Variants in NCOR1 observed in about 807,000 individuals in gnomAD.
NCOR1 encodes the protein protein phosphatase 1, regulatory subunit 109.
A neutral mutation model predicts 288.1 loss-of-function variants in NCOR1; 63 were observed. That is an observed-to-expected ratio of 0.22 (90% CI 0.18 to 0.27). The LOEUF (loss-of-function observed/expected upper bound fraction) is 0.27, where lower values mean the gene tolerates loss of function less well. Among genes scored for constraint, NCOR1 ranks in the 10% least tolerant of loss-of-function variants. NCOR1 has a pLI of 1.00. For synonymous variants in NCOR1, 1,007 were observed against 1,065.9 expected, an observed-to-expected ratio of 0.94 and a Z score of 1.08; for missense variants, 2,397 against 3,019.2, an observed-to-expected ratio of 0.79 and a Z score of 4.83.
intron 5 of NCOR1, 178 bp downstream of exon 5, chr17:16,164,801 T>C (rs1449151412): frequency 4.1e-6 from 2 of 487,840 alleles, no homozygotes; most frequent in Middle Eastern, 5.3e-4. Flanking sequence ...AATCAGACAG[T>C]GCAGCAAGGA....
chr17:16,141,202 T>C (rs995760681), intron 11 of NCOR1, among the ~76,000 whole-genome samples: 3 of 152,104 alleles, frequency 2.0e-5, no homozygotes, highest in African/African-American at 7.2e-5. Context: ...ATGGCTAAGA[T>C]CCTGAAATCA....
rs1265023127 is a variant in NCOR1 at position 16,029,476 on chromosome 17, CATT to C, written c.*2817_*2819del. 6 of 271,328 alleles carry C rather than the reference CATT, an allele frequency of 2.2e-5. No homozygotes were observed. The East Asian group carries it at 5.7e-4, about 26-fold the overall frequency. The allele number at this position is 271,328 out of a possible 1,614,324, so 16.8% of individuals were successfully genotyped here. A position where few individuals can be genotyped will look rare whatever the true frequency, so the allele number is the denominator to read the frequency against. ...TCACTCAGTGTACCAAAATTAAAAG[CATT>C]ATGAAATTTGCAGTCATAAACATGC... On this transcript the variant is annotated 3_prime_UTR_variant, in exon 46 of 46. Transcript: ENST00000268712.
In NCOR1 at chr17:16,101,767, G is replaced by T; in HGVS notation, c.2183-10C>A. ...GGCTTGACAGCTTCAACTGGTGAAG[G>T]AGAAGGAGCACTTTCTGTATCAGAA... is the stretch of plus-strand genomic sequence containing the variant. On this transcript the variant is annotated splice_polypyrimidine_tract_variant and intron_variant, in intron 19 of 45. Coordinates refer to ENST00000268712, the MANE Select transcript of NCOR1 (RefSeq NM_006311.4). 1.2e-6 allele frequency: 2 copies of T among 1,614,060 alleles called. No individual in the cohort carries two copies. The highest frequency in any genetic ancestry group is 1.7e-6 in the Non-Finnish European group (2 of 1,179,972).
At chr17:16,177,284 T>C (rs1208537668) in intron 3 of NCOR1, among the ~76,000 whole-genome samples, 1 of 152,106 alleles carries the variant, frequency 6.6e-6, no homozygotes, top group Non-Finnish European at 1.5e-5. Flanking sequence ...TATAGAAATA[T>C]AGAACTTATT....
intron 2 of NCOR1, among the ~76,000 whole-genome samples, chr17:16,189,729 T>A (rs985077395): frequency 1.3e-5 from 2 of 152,040 alleles, no homozygotes; most frequent in Non-Finnish European, 2.9e-5. Flanking sequence ...TTTAAATTAA[T>A]CCATACTGGA....
At chr17:16,151,689 CT>C in intron 8 of NCOR1, 11 of 1,252,832 alleles carry the variant, frequency 8.8e-6, no homozygotes, top group Non-Finnish European at 9.9e-6. Context: ...AAGTATCCAC[CT>C]TTTTTACTAG....
intron 21 of NCOR1, among the ~76,000 whole-genome samples, chr17:16,095,626 C>A (rs1174040428): frequency 9.6e-6 from 1 of 104,450 alleles, no homozygotes; most frequent in Non-Finnish European, 2.0e-5. Flanking sequence ...AAGTGAGGAG[C>A]CCCTCTGCCC....
chr17:16,176,920 T>A (rs2084319050), intron 3 of NCOR1, among the ~76,000 whole-genome samples: 1 of 152,088 alleles, frequency 6.6e-6, no homozygotes, highest in East Asian at 1.9e-4. Context: ...AATCTATCAA[T>A]TCTTCCTTAA....
Position 16,134,954 on chromosome 17 carries a change from T to G in NCOR1, c.1509+2357A>C, listed in dbSNP as rs548742368. 2.9e-3 allele frequency among the ~76,000 whole-genome samples: 441 copies of G among 152,010 alleles called. 3 individuals are homozygous for G. In the Middle Eastern group the frequency reaches 0.031, roughly 11 times the overall value. ...GCGGGCAGATCACGAGGTCAGGAGA[T>G]CGAGACCATCCTGACTAACACGGTG... is the stretch of plus-strand genomic sequence containing the variant. On this transcript the variant is annotated intron_variant, in intron 14 of 45. Transcript: ENST00000268712.
intron 3 of NCOR1, among the ~76,000 whole-genome samples, chr17:16,181,205 A>ATATGTATGTATGTATG (rs138045717): frequency 1.2e-3 from 116 of 99,062 alleles, no homozygotes; most frequent in African/African-American, 3.9e-3. Context: ...GTATACATAT[A>ATATGTATGTATGTATG]TATGTATGTG....
rs201288530 is a variant in NCOR1, at chr17:16,074,787, AT to A, written c.3670+746del. ...ATATAACAAGAATACATCTAAAAAA[AT>A]GTACATAGACATTAAAATAGTTTTA... On this transcript the variant is annotated intron_variant, in intron 27 of 45. Transcript: ENST00000268712. Among the ~76,000 whole-genome samples the A allele has an allele frequency of 6.6e-3, 1,000 of 152,350 alleles. 13 individuals carry two copies. Among genetic ancestry groups the A allele is most frequent in the African/African-American group, 0.023 (964 of 41,566 alleles).
chr17:16,141,833 A>C (rs1057356743), intron 11 of NCOR1, among the ~76,000 whole-genome samples: 7 of 152,230 alleles, frequency 4.6e-5, no homozygotes, highest in African/African-American at 1.7e-4. Context: ...GGAAAAGAAC[A>C]CACAGTTCCA....
At chr17:16,148,812 A>G (rs144688658) in intron 9 of NCOR1, among the ~76,000 whole-genome samples, 150 of 152,238 alleles carry the variant, frequency 9.9e-4, no homozygotes, top group Middle Eastern at 6.9e-3. Context: ...TCAGGTCATT[A>G]ACTTTAGGCA....
At chr17:16,095,762 C>G (rs1247776680) in intron 21 of NCOR1, among the ~76,000 whole-genome samples, 3 of 146,922 alleles carry the variant, frequency 2.0e-5, no homozygotes, top group African/African-American at 7.6e-5. Flanking sequence ...GCGCCTCTGC[C>G]CGGCTGCCCC....
intron 23 of NCOR1, among the ~76,000 whole-genome samples, chr17:16,085,106 A>G (rs1165455470): frequency 6.6e-6 from 1 of 152,254 alleles, no homozygotes; most frequent in African/African-American, 2.4e-5. Context: ...AAGACCCAGT[A>G]GAAACAGATA....
intron 40 of NCOR1, among the ~76,000 whole-genome samples, chr17:16,056,308 CTTTTTTTTTTTT>C (rs71299858): frequency 1.0e-5 from 1 of 96,006 alleles, no homozygotes; most frequent in African/African-American, 4.0e-5. Context: ...TTCTTTTTAT[CTTTTTTTTTTTT>C]TTTTTTTTTT....
intron 1 of NCOR1, among the ~76,000 whole-genome samples, chr17:16,201,382 A>G (rs2090786974): frequency 6.6e-6 from 1 of 151,372 alleles, no homozygotes; most frequent in South Asian, 2.1e-4. Context: ...GTGGATCACT[A>G]GAAGCCAAGA....
chr17:16,094,730 G>T (rs1371123524), intron 21 of NCOR1, among the ~76,000 whole-genome samples: 1 of 152,194 alleles, frequency 6.6e-6, no homozygotes, highest in Non-Finnish European at 1.5e-5. Context: ...ACGCCTGACT[G>T]GTTTTCGTAT....
intron 40 of NCOR1, among the ~76,000 whole-genome samples, chr17:16,052,039 C>T (rs1301051429): frequency 6.6e-6 from 1 of 152,100 alleles, no homozygotes; most frequent in East Asian, 1.9e-4. Context: ...GATGGAGTCT[C>T]GCTTTGTCGC....
Sources: allele counts gnomAD v4.1 joint callset (sites outside exome capture counted in the v4.1 genomes callset), GRCh38; gene constraint gnomAD v4.1.1; transcripts MANE v1.5; gene names NCBI Gene and HGNC (gene_info 2026-07-23, HGNC 2026-07-21).